Variants in BUD13 observed in about 807,000 individuals in gnomAD.
BUD13 encodes the protein BUD13 spliceosome associated protein.
BUD13 carries 47 observed loss-of-function variants against 62.5 expected under a neutral mutation model. The observed-to-expected ratio is 0.75, with a 90% CI of 0.60 to 0.96. The LOEUF (loss-of-function observed/expected upper bound fraction) is 0.96. BUD13 is among the 40% of genes least tolerant of loss of function. The pLI, the probability that BUD13 is intolerant of heterozygous loss-of-function variation, is 0.00. For synonymous variants in BUD13, 293 were observed against 280.1 expected (o/e 1.05, Z -0.46); for missense variants, 821 against 790.9 (o/e 1.04, Z -0.46).
Position 116,765,922 on chromosome 11 carries a change from T to G in BUD13, c.238-476A>C, listed in dbSNP as rs116187352. Among the ~76,000 whole-genome samples, 503 of 152,288 alleles carry G rather than the reference T, an allele frequency of 3.3e-3. 3 individuals carry two copies. Among genetic ancestry groups the G allele is most frequent in the African/African-American group, 0.012 (484 of 41,562 alleles). ...ATACAACCAAAAAGAGCCACTGAGA[T>G]GTACACAGAATCATTAATCTTTAAG... is the stretch of plus-strand genomic sequence containing the variant. On this transcript the variant is annotated intron_variant, in intron 2 of 9. Coordinates refer to ENST00000260210, the MANE Select transcript of BUD13 (RefSeq NM_032725.4).
chr11:116,770,172 T>C lies in BUD13; in HGVS notation c.194A>G (p.Lys65Arg). 6.2e-7 allele frequency: 1 copy of C among 1,613,722 alleles called. No homozygotes were observed. Among genetic ancestry groups the C allele is most frequent in the Non-Finnish European group, 8.5e-7 (1 of 1,179,814 alleles). The change falls in exon 2 of 10, where the codon AAA becomes AGA. Residue 65 changes from lysine to arginine, a missense_variant. Transcript: ENST00000260210. ...ATCTTCCTCTTCCTCCTTTTCTAGT[T>C]TGGTTGTGGAGATAGCTGTCCAGCT... ...DVSWTAISTT[K>R]LEKEEEEDDG...
chr11:116,762,001 T>A (rs759777173), intron 4 of BUD13, among the ~76,000 whole-genome samples: 1 of 152,246 alleles, frequency 6.6e-6, no homozygotes, highest in Non-Finnish European at 1.5e-5. Context: ...ATGTTCATTA[T>A]AGAATTACAG....
chr11:116,760,624 T>C (rs1940411547), intron 5 of BUD13, 111 bp downstream of exon 5: 1 of 1,239,578 alleles, frequency 8.1e-7, no homozygotes, highest in African/African-American at 1.5e-5. Flanking sequence ...TAAGATTTAC[T>C]ACACTTCTCA....
At position 116,763,078 on chromosome 11, in the gene BUD13, C is replaced by A. The variant is rs545495129; in HGVS notation, c.511G>T (p.Asp171Tyr). The A allele has an allele frequency of 2.5e-6, 4 of 1,581,568 alleles. No individual in the cohort carries two copies. In the East Asian group the frequency reaches 6.8e-5, roughly 27 times the overall value. The change falls in exon 4 of 10, where the codon GAC becomes TAC. Residue 171 changes from aspartate (D) to tyrosine (Y), a missense_variant. Asp to Tyr is a radical substitution (Grantham distance 160, BLOSUM62 -3). Transcript: ENST00000260210. ...DPSPLRGARH[D>Y]SDTSPPRRIR... ...CTCCTGGGAGGAGATGTGTCTGAGTCATGACGAGCCCCTCTGAGGGGAGAA... is the reference window on the plus strand; with the variant it reads ...CTCCTGGGAGGAGATGTGTCTGAGTAATGACGAGCCCCTCTGAGGGGAGAA...
At chr11:116,762,322 T>C (rs1428494594) in intron 4 of BUD13, among the ~76,000 whole-genome samples, 1 of 152,190 alleles carries the variant, frequency 6.6e-6, no homozygotes, top group African/African-American at 2.4e-5. Context: ...ATTCCAAAGC[T>C]TCTGCAACAA....
rs1940597494 is a variant in BUD13, at chr11:116,770,122, T to C, written c.237+7A>G. 1 of 1,600,272 alleles carries C rather than the reference T, an allele frequency of 6.2e-7. No individual in the cohort carries two copies. Among genetic ancestry groups the C allele is most frequent in the Non-Finnish European group, 8.5e-7 (1 of 1,170,820 alleles). ...TTCAAAATCCTGACAGCCCCAAAGA[T>C]ACATACCACAGGCAAATCTCCATCA... On this transcript the variant is annotated splice_region_variant and intron_variant, in intron 2 of 9. Coordinates refer to ENST00000260210, the MANE Select transcript of BUD13 (RefSeq NM_032725.4).
intron 2 of BUD13, among the ~76,000 whole-genome samples, chr11:116,769,287 T>C (rs1684850687): frequency 6.6e-6 from 1 of 152,234 alleles, no homozygotes; most frequent in South Asian, 2.1e-4. Flanking sequence ...CCCCGGGCTC[T>C]AATGGTACTT....
At chr11:116,768,502 G>C (rs529791455) in intron 2 of BUD13, among the ~76,000 whole-genome samples, 265 of 152,232 alleles carry the variant, frequency 1.7e-3, no homozygotes, top group African/African-American at 5.9e-3. Context: ...ATGGTAACAT[G>C]CAAGTGTTTA....
chr11:116,760,993 T>A (rs1475250814), intron 4 of BUD13, 41 bp from the exon 5 acceptor site: 2 of 1,513,724 alleles, frequency 1.3e-6, no homozygotes, highest in African/African-American at 2.8e-5. Flanking sequence ...TGATGTCCTC[T>A]AGGTGAAGAA....
chr11:116,763,222 T>C lies in BUD13; in HGVS notation c.367A>G (p.Thr123Ala). 1 of 1,555,280 alleles carries C rather than the reference T, an allele frequency of 6.4e-7. No homozygotes were observed. The highest frequency in any genetic ancestry group is 8.7e-7 in the Non-Finnish European group (1 of 1,151,428). Residue 123 changes from threonine (T) to alanine (A), a missense_variant, in exon 4 of 10, where the codon ACC becomes GCC. Around this residue, in one of 2 missense-constraint regions of BUD13, gnomAD observed 800 missense variants for 739.2 expected, o/e 1.08. Coordinates refer to ENST00000260210, the MANE Select transcript of BUD13 (RefSeq NM_032725.4). The part of the protein sequence containing the change: ...LPSNRHFRHD[T>A]PDSSPRRVRH... ...ACCCTCCTAGGAGATGAATCCGGGGTATCGTGACGAAAATGTCTGTTTGAG... is the reference window on the plus strand; with the variant it reads ...ACCCTCCTAGGAGATGAATCCGGGGCATCGTGACGAAAATGTCTGTTTGAG...
intron 1 of BUD13, among the ~76,000 whole-genome samples, chr11:116,772,181 T>A (rs760918771): frequency 1.3e-5 from 2 of 152,224 alleles, no homozygotes; most frequent in Admixed American, 6.5e-5. Flanking sequence ...TATTTCTAAA[T>A]GTCACATTCT....
chr11:116,758,090 G>C, intron 7 of BUD13, 140 bp from the exon 8 acceptor site: 1 of 1,400,026 alleles, frequency 7.1e-7, no homozygotes, highest in South Asian at 1.4e-5. Context: ...AAAATTCCCA[G>C]AATACCCACT....
rs904291753 is a variant in BUD13 at position 116,772,971 on chromosome 11, G to C, written c.-7C>G. ...GCGGCGGAGCTGCCGCCATGGCAGC[G>C]GCGGGGGCAGAGAGACGGGTCGGCG... is the stretch of plus-strand genomic sequence containing the variant. On this transcript the variant is annotated 5_prime_UTR_variant, in exon 1 of 10. Coordinates refer to ENST00000260210, the MANE Select transcript of BUD13 (RefSeq NM_032725.4). 1 of 1,535,496 alleles carries C rather than the reference G, an allele frequency of 6.5e-7. No individual in the cohort carries two copies. The highest frequency in any genetic ancestry group is 1.4e-5 in the African/African-American group (1 of 70,862).
Position 116,770,237 on chromosome 11 carries a change from G to A in BUD13, c.144-15C>T. ...CAATCCGCATTCTAAATGAGAATAA[G>A]AAGATCAAAAAGAGTCATTCTAGGA... On this transcript the variant is annotated splice_polypyrimidine_tract_variant and intron_variant, in intron 1 of 9. Transcript: ENST00000260210. 1 of 1,595,212 alleles carries A rather than the reference G, an allele frequency of 6.3e-7. No individual in the cohort carries two copies. Among genetic ancestry groups the A allele is most frequent in the African/African-American group, 1.4e-5 (1 of 73,796 alleles).
At chr11:116,759,239 G>A in intron 5 of BUD13, 60 bp from the exon 6 acceptor site, 1 of 1,179,784 alleles carries the variant, frequency 8.5e-7, no homozygotes, top group Non-Finnish European at 1.3e-6. Context: ...TAGGCTCCAT[G>A]GGTACACAGT....
At chr11:116,765,549 G>A (rs1287924631) in intron 2 of BUD13, 103 bp from the exon 3 acceptor site, 2 of 1,216,790 alleles carry the variant, frequency 1.6e-6, no homozygotes, top group Non-Finnish European at 2.4e-6. Context: ...CCTAACACAA[G>A]GGCGTACATA....
At chr11:116,758,855 G>A (rs532933955) in intron 6 of BUD13, among the ~76,000 whole-genome samples, 76 of 152,130 alleles carry the variant, frequency 5.0e-4, no homozygotes, top group African/African-American at 1.6e-3. Flanking sequence ...GCCTACCAAA[G>A]TGCTGGGATT....
intron 1 of BUD13, 49 bp downstream of exon 1, chr11:116,772,773 A>T (rs1472521662): frequency 2.7e-6 from 4 of 1,465,270 alleles, no homozygotes; most frequent in South Asian, 1.3e-5. Context: ...CGGAGTTGGG[A>T]AGGGGTGGCT....
At chr11:116,762,466 A>G (rs1229620906) in intron 4 of BUD13, 87 bp downstream of exon 4, 1 of 1,171,216 alleles carries the variant, frequency 8.5e-7, no homozygotes. Context: ...AAGAAATTCC[A>G]TTCTTATACC....
Sources: gnomAD v4.1 joint callset for allele counts (sites outside exome capture counted in the v4.1 genomes callset) on GRCh38, gnomAD v4.1.1 for gene constraint, gnomAD v4.1.1 regional missense constraint, MANE v1.5 for transcripts, NCBI Gene and HGNC (gene_info 2026-07-23, HGNC 2026-07-21) for gene names.